NOL10: variants seen among roughly 807,000 people sequenced by gnomAD.
NOL10 encodes H_NH0074G24.1.
A neutral mutation model predicts 103.5 loss-of-function variants in NOL10; 58 were observed. The ratio of observed to expected loss-of-function variants is 0.56; its 90% CI spans 0.45 to 0.70. NOL10 has a LOEUF of 0.70. Among genes scored for constraint, NOL10 ranks in the 30% least tolerant of loss-of-function variants. NOL10 has a pLI of 0.00. For missense variants in NOL10, 763 were observed against 807.3 expected, an observed-to-expected ratio of 0.95 and a Z score of 0.67; for synonymous variants, 287 against 282.5, an observed-to-expected ratio of 1.02 and a Z score of -0.16.
rs374802991 is a variant in NOL10, at chr2:10,689,844, G to T, written c.18C>A (p.Leu6=). Reference sequence around the variant, plus strand: ...TGAGGCTGTAAATCTTCACCTCATTGAGGCTGGAGACCTGCATGGCGCCGC... The same window carrying T: ...TGAGGCTGTAAATCTTCACCTCATTTAGGCTGGAGACCTGCATGGCGCCGC... MQVSS[L]NEVKIYSLSC... The change falls in exon 1 of 21, where the codon CTC becomes CTA. Residue 6 remains leucine (L), a synonymous_variant. Coordinates refer to ENST00000381685, the MANE Select transcript of NOL10 (RefSeq NM_024894.4). 2.6e-5 allele frequency: 41 copies of T among 1,607,366 alleles called. No individual in the cohort carries two copies. In the African/African-American group the frequency reaches 5.2e-4, roughly 20 times the overall value.
chr2:10,631,746 G>A (rs1013328890), intron 13 of NOL10, among the ~76,000 whole-genome samples: 11 of 148,006 alleles, frequency 7.4e-5, no homozygotes, highest in East Asian at 3.9e-4. Flanking sequence ...ATGGAGTTTC[G>A]CTCGTTTGCC....
intron 13 of NOL10, among the ~76,000 whole-genome samples, chr2:10,638,931 T>A (rs1228024548): frequency 1.3e-5 from 2 of 150,656 alleles, no homozygotes; most frequent in Non-Finnish European, 3.0e-5. Context: ...GCCTCCTGAG[T>A]AGTTGGGACT....
chr2:10,631,817 C>T (rs985556805), intron 13 of NOL10, among the ~76,000 whole-genome samples: 5 of 151,816 alleles, frequency 3.3e-5, no homozygotes, highest in African/African-American at 9.7e-5. Flanking sequence ...CAGGTTCAAG[C>T]GATTCTCTTG....
At chr2:10,659,946 CA>C (rs988498267) in intron 9 of NOL10, among the ~76,000 whole-genome samples, 1 of 152,000 alleles carries the variant, frequency 6.6e-6, no homozygotes, top group African/African-American at 2.4e-5. Flanking sequence ...CTGAAAGTAC[CA>C]AAGACAGAGT....
At chr2:10,673,597 A>G in intron 4 of NOL10, 40 bp from the exon 5 acceptor site, 1 of 1,371,122 alleles carries the variant, frequency 7.3e-7, no homozygotes, top group East Asian at 2.4e-5. Context: ...TTATCAAACA[A>G]TATTCTTAGT....
intron 13 of NOL10, among the ~76,000 whole-genome samples, chr2:10,611,084 C>T (rs981899064): frequency 1.3e-5 from 2 of 152,098 alleles, no homozygotes; most frequent in Non-Finnish European, 2.9e-5. Flanking sequence ...AGTGGTACTG[C>T]GCCCAGCAAA....
At chr2:10,596,101 A>G (rs556683797) in intron 17 of NOL10, among the ~76,000 whole-genome samples, 5 of 152,208 alleles carry the variant, frequency 3.3e-5, no homozygotes, top group African/African-American at 9.6e-5. Context: ...TTACTTTAAT[A>G]TAAGTTCTCA....
intron 13 of NOL10, chr2:10,621,971 A>G: frequency 2.3e-6 from 1 of 433,080 alleles, no homozygotes; most frequent in Non-Finnish European, 4.7e-6. Flanking sequence ...AGTTAAAATT[A>G]ATTAAATGAA....
intron 6 of NOL10, 75 bp downstream of exon 6, chr2:10,671,479 A>G: frequency 8.0e-7 from 1 of 1,249,688 alleles, no homozygotes; most frequent in South Asian, 2.3e-5. Flanking sequence ...AACAGAGAAA[A>G]TGTACACGAA....
chr2:10,619,060 T>C (rs1558294302), intron 13 of NOL10, among the ~76,000 whole-genome samples: 1 of 152,234 alleles, frequency 6.6e-6, no homozygotes. Context: ...GCAAGCTTGG[T>C]GAAAACCAGA....
intron 2 of NOL10, among the ~76,000 whole-genome samples, chr2:10,682,848 A>T (rs1681876299): frequency 6.6e-6 from 1 of 152,090 alleles, no homozygotes; most frequent in Non-Finnish European, 1.5e-5. Context: ...GCAGTGGCAC[A>T]ATCCTGGCTC....
At chr2:10,679,983 A>G (rs1341300912) in intron 3 of NOL10, among the ~76,000 whole-genome samples, 1 of 152,048 alleles carries the variant, frequency 6.6e-6, no homozygotes, top group African/African-American at 2.4e-5. Context: ...AATAAGAAGG[A>G]AAGCCATTAG....
At chr2:10,678,841 A>G (rs1558352230) in intron 3 of NOL10, among the ~76,000 whole-genome samples, 1 of 152,192 alleles carries the variant, frequency 6.6e-6, no homozygotes, top group Non-Finnish European at 1.5e-5. Context: ...AGGAAAGTCA[A>G]ACCAGGACTC....
At chr2:10,598,626 T>G (rs1675820650) in intron 17 of NOL10, among the ~76,000 whole-genome samples, 1 of 152,082 alleles carries the variant, frequency 6.6e-6, no homozygotes, top group African/African-American at 2.4e-5. Context: ...TGAAAGGAAC[T>G]CTCAGAGACA....
intron 3 of NOL10, among the ~76,000 whole-genome samples, chr2:10,680,616 A>G (rs1199670647): frequency 1.3e-5 from 2 of 152,180 alleles, no homozygotes; most frequent in Non-Finnish European, 2.9e-5. Context: ...GATTTCCTCA[A>G]TTCTTTTTAC....
intron 19 of NOL10, among the ~76,000 whole-genome samples, chr2:10,578,547 C>T (rs1674591636): frequency 6.6e-6 from 1 of 152,154 alleles, no homozygotes; most frequent in Admixed American, 6.5e-5. Context: ...TTACAGTCTG[C>T]TGTGCCCTGC....
At chr2:10,587,118 T>TAC (rs1224060149) in intron 19 of NOL10, among the ~76,000 whole-genome samples, 1 of 45,862 alleles carries the variant, frequency 2.2e-5, no homozygotes, top group Non-Finnish European at 4.0e-5. Context: ...TACATATATA[T>TAC]ACATATATAT....
chr2:10,576,913 G>GAA (rs141148925), intron 20 of NOL10, among the ~76,000 whole-genome samples: 31,479 of 150,474 alleles, frequency 0.21, 4,106 homozygotes, highest in Non-Finnish European at 0.3. Flanking sequence ...ACTGCTTAAG[G>GAA]AAAAAAAAAG....
At chr2:10,577,216 G>A (rs996782013) in intron 20 of NOL10, among the ~76,000 whole-genome samples, 2 of 152,170 alleles carry the variant, frequency 1.3e-5, no homozygotes, top group Admixed American at 6.5e-5. Flanking sequence ...GCCAATTCCC[G>A]GTCTTCTTCA....
Sources: gnomAD v4.1 joint callset for allele counts (sites outside exome capture counted in the v4.1 genomes callset) on GRCh38, gnomAD v4.1.1 for gene constraint, MANE v1.5 for transcripts, NCBI Gene and HGNC (gene_info 2026-07-23, HGNC 2026-07-21) for gene names.